Variants in STEAP3 observed in about 807,000 individuals in gnomAD.
STEAP3 encodes metalloreductase STEAP3.
A neutral mutation model predicts 34.9 loss-of-function variants in STEAP3; 35 were observed. That is an observed-to-expected ratio of 1.00 (90% CI 0.76 to 1.33). STEAP3 has a LOEUF of 1.33. Ranked by LOEUF, STEAP3 falls within the 40% of genes most tolerant of loss-of-function variation. STEAP3 has a pLI of 0.00. For missense variants in STEAP3, 652 were observed against 667.6 expected (o/e 0.98, Z 0.26); for synonymous variants, 281 against 301.6 (o/e 0.93, Z 0.71).
intron 2 of STEAP3, among the ~76,000 whole-genome samples, chr2:119,238,325 T>TTTTTTTTAAA (rs1677148503): frequency 6.6e-6 from 1 of 152,222 alleles, no homozygotes; most frequent in Non-Finnish European, 1.5e-5. Flanking sequence ...AAATATATCA[T>TTTTTTTTAAA]TGTAGCCATC....
chr2:119,255,746 T>TA (rs56050427), intron 5 of STEAP3, among the ~76,000 whole-genome samples: 120,601 of 147,872 alleles, frequency 0.82, 50,890 homozygotes, highest in East Asian at 0.99. Context: ...CCTTGCCTCT[T>TA]AAAAAAAAAA....
At chr2:119,244,847 C>G (rs1019471409) in intron 2 of STEAP3, 2 of 152,492 alleles carry the variant, frequency 1.3e-5, no homozygotes, top group African/African-American at 4.8e-5. Context: ...TCTCTCAGTC[C>G]TGCCCTCAGA....
intron 2 of STEAP3, among the ~76,000 whole-genome samples, chr2:119,242,699 A>G (rs953598074): frequency 6.6e-6 from 1 of 152,194 alleles, no homozygotes; most frequent in Non-Finnish European, 1.5e-5. Flanking sequence ...TGCTTTACAC[A>G]ATTGACTTAT....
At position 119,263,101 on chromosome 2, in the gene STEAP3, G is replaced by T. The variant is rs200025915; in HGVS notation, c.1260G>T (p.Thr420=). The stretch of plus-strand genomic sequence containing the variant: ...CCCTCGTGCTGAGCACACTGCACAC[G>T]CTCACCTACGGCTGGACCCGCGCCT... ...FVALVLSTLH[T]LTYGWTRAFE... Residue 420 remains threonine (T), a synonymous_variant, in exon 6 of 6, where the codon ACG becomes ACT. Transcript: ENST00000393110. The T allele has an allele frequency of 6.2e-7, 1 of 1,610,882 alleles. No homozygotes were observed. The highest frequency in any genetic ancestry group is 1.7e-5 in the Admixed American group (1 of 60,020).
At chr2:119,259,668 G>T (rs1157320833) in intron 5 of STEAP3, among the ~76,000 whole-genome samples, 1 of 152,216 alleles carries the variant, frequency 6.6e-6, no homozygotes, top group Non-Finnish European at 1.5e-5. Context: ...CCAGATCAGG[G>T]GCTGGGGACA....
Position 119,245,786 on chromosome 2 carries a change from C to T in STEAP3, c.320C>T (p.Ser107Phe). The change falls in exon 3 of 6, where the codon TCT (serine) becomes TTT (phenylalanine). Residue 107 changes from serine to phenylalanine, a missense_variant. Transcript: ENST00000393110. ...IFVAVFREHY[S>F]SLCSLSDQLA... ...GTGGCTGTGTTCCGGGAGCACTACTCTTCACTGTGCAGTCTCAGTGACCAG... is the reference window on the plus strand; with the variant it reads ...GTGGCTGTGTTCCGGGAGCACTACTTTTCACTGTGCAGTCTCAGTGACCAG... 1.9e-6 allele frequency: 3 copies of T among 1,614,242 alleles called. No homozygotes were observed. Among genetic ancestry groups the T allele is most frequent in the Non-Finnish European group, 2.5e-6 (3 of 1,180,056 alleles).
At chr2:119,235,329 A>G (rs1677063101) in intron 2 of STEAP3, among the ~76,000 whole-genome samples, 1 of 152,222 alleles carries the variant, frequency 6.6e-6, no homozygotes, top group Non-Finnish European at 1.5e-5. Flanking sequence ...GAGCTCAGAG[A>G]CAGCATGGAT....
intron 2 of STEAP3, among the ~76,000 whole-genome samples, chr2:119,239,838 C>A (rs1209475844): frequency 6.6e-6 from 1 of 152,116 alleles, no homozygotes; most frequent in Non-Finnish European, 1.5e-5. Flanking sequence ...AAGGCTCATT[C>A]CCTGGGATTA....
At chr2:119,242,289 C>G (rs1211347353) in intron 2 of STEAP3, among the ~76,000 whole-genome samples, 1 of 152,212 alleles carries the variant, frequency 6.6e-6, no homozygotes, top group Non-Finnish European at 1.5e-5. Flanking sequence ...GCTGGCTACT[C>G]TTCCTCCCCA....
At chr2:119,242,408 C>T (rs527447884) in intron 2 of STEAP3, among the ~76,000 whole-genome samples, 2 of 152,182 alleles carry the variant, frequency 1.3e-5, no homozygotes, top group Non-Finnish European at 2.9e-5. Flanking sequence ...CCCTCCCGAC[C>T]ACAGGAGAAG....
intron 3 of STEAP3, among the ~76,000 whole-genome samples, chr2:119,247,455 C>T (rs939475595): frequency 1.3e-5 from 2 of 152,204 alleles, no homozygotes; most frequent in Admixed American, 6.5e-5. Flanking sequence ...GAGTAGTTGG[C>T]CTGGCTTGGC....
intron 2 of STEAP3, chr2:119,244,516 GGT>G (rs1677349012): frequency 6.6e-6 from 1 of 151,986 alleles, no homozygotes; most frequent in South Asian, 2.1e-4. Context: ...TAAGATTACA[GGT>G]GTGAGCCACT....
At chr2:119,224,179 G>T (rs1678961524) in intron 1 of STEAP3, among the ~76,000 whole-genome samples, 1 of 152,210 alleles carries the variant, frequency 6.6e-6, no homozygotes, top group Non-Finnish European at 1.5e-5. Flanking sequence ...CGGAGCCCCG[G>T]GTGCAGATGT....
chr2:119,263,080 C>G lies in STEAP3; in HGVS notation c.1239C>G (p.Leu413=), dbSNP rs752735656. ...AGTCCTCACTGGGCTTTGTGGCCCT[C>G]GTGCTGAGCACACTGCACACGCTCA... is the stretch of plus-strand genomic sequence containing the variant. The part of the protein sequence containing the change: ...FVQSSLGFVA[L]VLSTLHTLTY... Residue 413 remains leucine, a synonymous_variant, in exon 6 of 6, where the codon CTC becomes CTG. Transcript: ENST00000393110. 24 of 1,608,042 alleles carry G rather than the reference C, an allele frequency of 1.5e-5. No homozygotes were observed. The highest frequency in any genetic ancestry group is 1.9e-5 in the Non-Finnish European group (23 of 1,179,974).
chr2:119,225,078 TCC>T (rs1678997525), intron 1 of STEAP3, among the ~76,000 whole-genome samples: 1 of 152,162 alleles, frequency 6.6e-6, no homozygotes, highest in African/African-American at 2.4e-5. Context: ...AGCCAGAAGG[TCC>T]ACAAAACCAA....
At position 119,263,733 on chromosome 2, in the gene STEAP3, G is replaced by C. The variant is rs942195023; in HGVS notation, c.*395G>C. On this transcript the variant is annotated 3_prime_UTR_variant, in exon 6 of 6. Transcript: ENST00000393110. The stretch of plus-strand genomic sequence containing the variant: ...GCTGTGGTGGGTTCGATTTATCCCT[G>C]CCCACCCCACCCCCACAACTTCCCT... 1.8e-5 allele frequency: 6 copies of C among 326,250 alleles called. No homozygotes were observed. In the Admixed American group the frequency reaches 2.7e-4, roughly 15 times the overall value. The allele number at this position is 326,250 out of a possible 1,614,324, so 20.2% of individuals were successfully genotyped here.
At chr2:119,225,033 G>A (rs838111) in intron 1 of STEAP3, among the ~76,000 whole-genome samples, 53,809 of 151,982 alleles carry the variant, frequency 0.35, 10,344 homozygotes, top group Non-Finnish European at 0.45. Context: ...GTGTCCTCAC[G>A]GGGATTCTGG....
chr2:119,224,501 T>C (rs1349269979), intron 1 of STEAP3, among the ~76,000 whole-genome samples: 1 of 152,092 alleles, frequency 6.6e-6, no homozygotes, highest in South Asian at 2.1e-4. Context: ...CCTGCCCACT[T>C]CCCCGAAATT....
intron 2 of STEAP3, 170 bp from the exon 3 acceptor site, chr2:119,245,319 C>T: frequency 1.1e-6 from 1 of 895,192 alleles, no homozygotes. Flanking sequence ...AGGGAAGGGG[C>T]TGTGTTGTGT....
Sources: gnomAD v4.1 joint callset for allele counts (sites outside exome capture counted in the v4.1 genomes callset) on GRCh38, gnomAD v4.1.1 for gene constraint, MANE v1.5 for transcripts, NCBI Gene and HGNC (gene_info 2026-07-23, HGNC 2026-07-21) for gene names.